MARK2: variants seen among roughly 807,000 people sequenced by gnomAD.
MARK2 encodes serine/threonine-protein kinase MARK2.
In MARK2, 16 loss-of-function variants were observed where a neutral mutation model predicts 89.8. The ratio of observed to expected loss-of-function variants is 0.18; its 90% CI spans 0.12 to 0.27. MARK2 has a LOEUF of 0.27. MARK2 is among the 10% of genes least tolerant of loss of function. The pLI is 1.00. For synonymous variants in MARK2, 382 were observed against 399.5 expected (o/e 0.96, Z 0.52); for missense variants, 621 against 1,049.9 (o/e 0.59, Z 5.65).
intron 1 of MARK2, among the ~76,000 whole-genome samples, chr11:63,881,230 G>A (rs549911656): frequency 6.6e-6 from 1 of 151,772 alleles, no homozygotes; most frequent in Admixed American, 6.6e-5. Context: ...GCTTGAACTC[G>A]GGAGGCAGAG....
intron 1 of MARK2, among the ~76,000 whole-genome samples, chr11:63,891,070 T>TTGTG (rs374538402): frequency 6.6e-6 from 1 of 151,404 alleles, no homozygotes; most frequent in African/African-American, 2.4e-5. Flanking sequence ...TTGTGTTTGT[T>TTGTG]TGTGTGTGTG....
chr11:63,888,672 G>C (rs1590638378), intron 1 of MARK2: 1 of 1,182,356 alleles, frequency 8.5e-7, no homozygotes, highest in Non-Finnish European at 1.1e-6. Flanking sequence ...CTTTGTCCCT[G>C]TTGCTCTCCT....
At chr11:63,846,737 G>A (rs2016301538) in intron 1 of MARK2, among the ~76,000 whole-genome samples, 1 of 149,718 alleles carries the variant, frequency 6.7e-6, no homozygotes, top group Non-Finnish European at 1.5e-5. Flanking sequence ...CTCACTGCAA[G>A]GTCCGCCTCC....
chr11:63,851,571 G>A (rs564621877), intron 1 of MARK2, among the ~76,000 whole-genome samples: 4 of 151,152 alleles, frequency 2.6e-5, no homozygotes, highest in Admixed American at 2.0e-4. Context: ...CCTCATTCCC[G>A]TCCATCTTAG....
chr11:63,859,813 G>T (rs989645385), intron 1 of MARK2, among the ~76,000 whole-genome samples: 4 of 151,956 alleles, frequency 2.6e-5, no homozygotes, highest in Admixed American at 2.6e-4. Context: ...TGTATTTTTA[G>T]TAGAGACAGG....
chr11:63,875,190 G>A (rs1470986378), intron 1 of MARK2, among the ~76,000 whole-genome samples: 3 of 145,840 alleles, frequency 2.1e-5, no homozygotes, highest in Non-Finnish European at 3.0e-5. Flanking sequence ...GTGCGATCTC[G>A]GCTCACTACA....
At chr11:63,887,971 G>A (rs1939504616) in intron 1 of MARK2, among the ~76,000 whole-genome samples, 2 of 152,150 alleles carry the variant, frequency 1.3e-5, no homozygotes, top group East Asian at 1.9e-4. Context: ...CATTTGGATT[G>A]TTTCTAGCTT....
chr11:63,886,085 C>T (rs952281603), intron 1 of MARK2, among the ~76,000 whole-genome samples: 1 of 151,342 alleles, frequency 6.6e-6, no homozygotes, highest in Non-Finnish European at 1.5e-5. Flanking sequence ...GCCGAGATTG[C>T]GCCACTGCAC....
intron 1 of MARK2, among the ~76,000 whole-genome samples, chr11:63,861,532 G>A (rs539254246): frequency 3.3e-5 from 5 of 152,284 alleles, no homozygotes; most frequent in Non-Finnish European, 5.9e-5. Context: ...CCCTGTAAGC[G>A]CATTAATCTG....
chr11:63,895,620 C>T lies in MARK2; in HGVS notation c.275C>T (p.Ser92Phe). The change falls in exon 3 of 19, where the codon TCC becomes TTC. Residue 92 changes from serine to phenylalanine, a missense_variant. Transcript: ENST00000402010. ...ATTGACAAGACTCAACTGAACTCCT[C>T]CAGCCTCCAGAAAGTAAGCACATGG... ...KIIDKTQLNS[S>F]SLQKLFREVR... is the part of the protein sequence containing the mutation. 4 of 1,611,234 alleles carry T rather than the reference C, an allele frequency of 2.5e-6. No individual in the cohort carries two copies. Among genetic ancestry groups the T allele is most frequent in the Non-Finnish European group, 3.4e-6 (4 of 1,179,118 alleles).
intron 1 of MARK2, among the ~76,000 whole-genome samples, chr11:63,855,739 A>G (rs927515064): frequency 3.3e-5 from 5 of 152,190 alleles, no homozygotes; most frequent in African/African-American, 1.2e-4. Context: ...TTTTCTTCAT[A>G]TGTTTCAACC....
chr11:63,843,143 A>AT (rs1222715002), intron 1 of MARK2, among the ~76,000 whole-genome samples: 1 of 151,366 alleles, frequency 6.6e-6, no homozygotes, highest in East Asian at 1.9e-4. Context: ...AGCTTGGGGG[A>AT]TTCTTAGTTT....
chr11:63,858,397 T>C (rs1407026959), intron 1 of MARK2, among the ~76,000 whole-genome samples: 1 of 151,828 alleles, frequency 6.6e-6, no homozygotes, highest in Non-Finnish European at 1.5e-5. Context: ...TCTCACTCTA[T>C]CACCCAGGCT....
intron 1 of MARK2, among the ~76,000 whole-genome samples, chr11:63,843,502 G>C (rs1039907778): frequency 6.6e-6 from 1 of 152,050 alleles, no homozygotes; most frequent in African/African-American, 2.4e-5. Flanking sequence ...TTCTAGGAAG[G>C]GGAGTTTAGA....
chr11:63,880,246 C>T (rs1349669707), intron 1 of MARK2: 1 of 151,744 alleles, frequency 6.6e-6, no homozygotes, highest in Non-Finnish European at 1.5e-5. Context: ...AACTGAGCTC[C>T]CCAGCTGCCG....
Position 63,899,770 on chromosome 11 carries a change from G to A in MARK2, c.532-104G>A, listed in dbSNP as rs1940717802. 7.8e-6 allele frequency: 6 copies of A among 766,476 alleles called. No homozygotes were observed. The Admixed American group carries it at 1.2e-4, about 15-fold the overall frequency. 47.5% of individuals were successfully genotyped at this position (766,476 alleles called of 1,614,324 possible). On this transcript the variant is annotated intron_variant, in intron 7 of 18. Transcript: ENST00000402010. ...AATTGGTGGAGAAAGTTCTGAGACT[G>A]AAGATGACTTTCCGTTTGTTCTCCC...
chr11:63,881,526 C>T (rs1475582315), intron 1 of MARK2, among the ~76,000 whole-genome samples: 1 of 152,096 alleles, frequency 6.6e-6, no homozygotes, highest in African/African-American at 2.4e-5. Context: ...CTCTTGTTCC[C>T]TAAGTATTGT....
rs1590704248 is a variant in MARK2 at position 63,904,718 on chromosome 11, C to G, written c.1677-68C>G. 3 of 1,468,526 alleles carry G rather than the reference C, an allele frequency of 2.0e-6. No homozygotes were observed. In the East Asian group the frequency reaches 6.8e-5, roughly 33 times the overall value. The allele number at this position is 1,468,526 out of a possible 1,614,324, so 91.0% of individuals were successfully genotyped here. On this transcript the variant is annotated intron_variant, in intron 15 of 18. Transcript: ENST00000402010. This position sits in a 1 kb window ranked among gnomAD's most constrained non-coding sequence, Gnocchi z 6.3. ...CCTCCCTGTCCCCACCACAGGGTGT[C>G]CAGGTGCCCAGTGATGGCTGTCCTG...
At chr11:63,861,799 C>G (rs968041871) in intron 1 of MARK2, among the ~76,000 whole-genome samples, 1 of 144,194 alleles carries the variant, frequency 6.9e-6, no homozygotes, top group African/African-American at 2.5e-5. Flanking sequence ...TAGAGTGCAA[C>G]GGCACGACCT....
Sources: allele counts gnomAD v4.1 joint callset (sites outside exome capture counted in the v4.1 genomes callset), GRCh38; gene constraint gnomAD v4.1.1; non-coding constraint Gnocchi (gnomAD v3.1); transcripts MANE v1.5; gene names NCBI Gene and HGNC (gene_info 2026-07-23, HGNC 2026-07-21).